The following CDK12 variants were observed in gnomAD, a reference collection of about 807,000 sequenced individuals.
CDK12 encodes cyclin-dependent kinase 12.
CDK12 carries 17 observed loss-of-function variants against 133.8 expected under a neutral mutation model. The observed-to-expected ratio is 0.13, with a 90% CI of 0.09 to 0.19. The LOEUF (loss-of-function observed/expected upper bound fraction) is 0.19. CDK12 is among the 10% of genes least tolerant of loss of function. The pLI is 1.00. For synonymous variants in CDK12, 694 were observed against 683.6 expected (o/e 1.02, Z -0.24); for missense variants, 1,508 against 1,818.7 (o/e 0.83, Z 3.11).
Position 39,562,888 on chromosome 17 carries a change from TTTCTTTTTC to T in CDK12, n.485-1869_485-1861del, listed in dbSNP as rs1486969636. Among the ~76,000 whole-genome samples the T allele has an allele frequency of 3.1e-3, 151 of 48,438 alleles. No homozygotes were observed. The Admixed American group carries it at 0.035, about 11-fold the overall frequency. 31.8% of individuals were successfully genotyped at this position (48,438 alleles called of 152,430 possible). ...CTCTGTCTCTCTCTTCTCCTTTTTT[TTTCTTTTTC>T]TTTTCTTTTTTTTTTTTTTTTTTTT... On this transcript the variant is annotated intron_variant and non_coding_transcript_variant, in intron 3 of 3. Transcript: ENST00000558240.
At chr17:39,477,942 G>A (rs777013065) in intron 2 of CDK12, among the ~76,000 whole-genome samples, 3 of 151,542 alleles carry the variant, frequency 2.0e-5, no homozygotes, top group East Asian at 1.9e-4. Context: ...TCCTGACTTC[G>A]GGGTCTGCCT....
intron 3 of CDK12, 118 bp downstream of exon 3, chr17:39,490,851 T>C (rs1045382732): frequency 2.6e-5 from 18 of 679,318 alleles, no homozygotes; most frequent in Non-Finnish European, 3.3e-5. Context: ...GGTCCCAAAG[T>C]ATTTTTTAAT....
chr17:39,515,956 T>G (rs1437114120), intron 9 of CDK12, 148 bp downstream of exon 9: 2 of 542,214 alleles, frequency 3.7e-6, no homozygotes, highest in Admixed American at 7.2e-5. Context: ...ACCATATATT[T>G]TGTCATAGGC....
chr17:39,498,680 C>G (rs2052334822), intron 5 of CDK12, among the ~76,000 whole-genome samples: 1 of 151,900 alleles, frequency 6.6e-6, no homozygotes, highest in African/African-American at 2.4e-5. Context: ...CAGGCAAGCA[C>G]CATCATGCCT....
At chr17:39,555,828 TACACACACAC>T (rs60227908) in intron 2 of CDK12, among the ~76,000 whole-genome samples, 42,178 of 108,498 alleles carry the variant, frequency 0.39, 9,521 homozygotes, top group East Asian at 0.54. Context: ...ACCTCATCTC[TACACACACAC>T]ACACACACAC....
intron 2 of CDK12, among the ~76,000 whole-genome samples, chr17:39,473,789 G>A (rs774937162): frequency 2.6e-5 from 4 of 152,002 alleles, no homozygotes; most frequent in Non-Finnish European, 4.4e-5. Flanking sequence ...GGAGGCTGAG[G>A]CAGAAGAATT....
downstream of CDK12, among the ~76,000 whole-genome samples, chr17:39,536,145 T>G (rs559228881): frequency 6.6e-6 from 1 of 152,264 alleles, no homozygotes; most frequent in Admixed American, 6.5e-5. Context: ...CTGGTGGTAC[T>G]CCTTACTGTA....
intron 5 of CDK12, among the ~76,000 whole-genome samples, chr17:39,498,884 T>C (rs554831094): frequency 0.75 from 105 of 140 alleles, 37 homozygotes; most frequent in African/African-American, 0.8. Flanking sequence ...TCTTTCTTTC[T>C]TTCTTTCTTT....
chr17:39,534,636 A>G (rs906391872), downstream of CDK12: 2 of 210,870 alleles, frequency 9.5e-6, no homozygotes, highest in African/African-American at 4.5e-5. Flanking sequence ...ACTTTATCTT[A>G]GGGGTTCTCT....
intron 2 of CDK12, among the ~76,000 whole-genome samples, chr17:39,489,922 G>T (rs1385963242): frequency 1.3e-5 from 2 of 151,038 alleles, no homozygotes; most frequent in Non-Finnish European, 2.9e-5. Flanking sequence ...TCACAGGGGT[G>T]AGCCACCATG....
chr17:39,565,713 C>T (rs1253694224), downstream of CDK12, among the ~76,000 whole-genome samples: 1 of 152,206 alleles, frequency 6.6e-6, no homozygotes, highest in East Asian at 1.9e-4. Context: ...GGATTACAGG[C>T]GTGAGCCACC....
chr17:39,496,912 CTTTTTTTTTT>C (rs71147349), intron 5 of CDK12, among the ~76,000 whole-genome samples: 2 of 87,834 alleles, frequency 2.3e-5, no homozygotes. Context: ...TTCAGTATAT[CTTTTTTTTTT>C]TTTTTTTTTT....
At chr17:39,514,332 A>C (rs993035179) in intron 8 of CDK12, among the ~76,000 whole-genome samples, 3 of 152,232 alleles carry the variant, frequency 2.0e-5, no homozygotes, top group Non-Finnish European at 4.4e-5. Context: ...TTAAAAAGCT[A>C]GGTTCGTTTT....
At position 39,509,872 on chromosome 17, in the gene CDK12, C is replaced by G. The variant is rs868331248; in HGVS notation, c.2666+111C>G. 9 of 789,944 alleles carry G rather than the reference C, an allele frequency of 1.1e-5. No individual in the cohort carries two copies. The Middle Eastern group carries it at 2.4e-3, about 213-fold the overall frequency. The allele number at this position is 789,944 out of a possible 1,614,324, so 48.9% of individuals were successfully genotyped here. A position where few individuals can be genotyped will look rare whatever the true frequency, so the allele number is the denominator to read the frequency against. On this transcript the variant is annotated intron_variant, in intron 7 of 13. Coordinates refer to ENST00000447079, the MANE Select transcript of CDK12 (RefSeq NM_016507.4). ...GCTGGAGTGCGTGGCTTGATCTCAGCTCGCTGCAGCCTCAACCTCTGTGGG... is the reference window on the plus strand; with the variant it reads ...GCTGGAGTGCGTGGCTTGATCTCAGGTCGCTGCAGCCTCAACCTCTGTGGG...
chr17:39,516,287 A>AT (rs1349299285), intron 9 of CDK12, among the ~76,000 whole-genome samples: 1 of 152,188 alleles, frequency 6.6e-6, no homozygotes, highest in African/African-American at 2.4e-5. Context: ...TTGGGCTGGC[A>AT]TTTGGGTGGG....
At chr17:39,490,442 T>C (rs550846854) in intron 2 of CDK12, 115 bp from the exon 3 acceptor site, 292 of 648,328 alleles carry the variant, frequency 4.5e-4, no homozygotes, top group Admixed American at 6.9e-4. Context: ...CAGGTTTTTT[T>C]CCTTAAAAAT....
intron 7 of CDK12, among the ~76,000 whole-genome samples, chr17:39,511,024 G>A (rs1042487189): frequency 2.0e-5 from 3 of 147,796 alleles, no homozygotes; most frequent in East Asian, 2.1e-4. Context: ...GACCATTCTG[G>A]CTAACACGGT....
At chr17:39,559,570 T>G (rs895020638) in intron 3 of CDK12, among the ~76,000 whole-genome samples, 5 of 152,224 alleles carry the variant, frequency 3.3e-5, no homozygotes, top group African/African-American at 9.6e-5. Context: ...TGGAATAATG[T>G]AGTACATAAC....
At chr17:39,493,529 A>G (rs2051814938) in intron 4 of CDK12, among the ~76,000 whole-genome samples, 2 of 148,390 alleles carry the variant, frequency 1.3e-5, no homozygotes, top group African/African-American at 5.0e-5. Flanking sequence ...GGCAGTCTTG[A>G]ATTCCAGGCT....
Sources: gnomAD v4.1 joint callset for allele counts (sites outside exome capture counted in the v4.1 genomes callset) on GRCh38, gnomAD v4.1.1 for gene constraint, MANE v1.5 for transcripts, NCBI Gene and HGNC (gene_info 2026-07-23, HGNC 2026-07-21) for gene names.